GPM6A: variants seen among roughly 807,000 people sequenced by gnomAD.
GPM6A encodes neuronal membrane glycoprotein M6-a.
In GPM6A, 7 loss-of-function variants were observed where a neutral mutation model predicts 32.1. The ratio of observed to expected loss-of-function variants is 0.22; its 90% CI spans 0.12 to 0.41. The LOEUF (loss-of-function observed/expected upper bound fraction) is 0.41. Ranked by LOEUF, GPM6A falls within the 10% of genes least tolerant of loss-of-function variation. The pLI is 1.00. For synonymous variants in GPM6A, 130 were observed against 123.4 expected (o/e 1.05, Z -0.35); for missense variants, 235 against 347.2 (o/e 0.68, Z 2.57).
At chr4:175,653,654 T>A (rs915200102) in intron 3 of GPM6A, among the ~76,000 whole-genome samples, 3 of 152,170 alleles carry the variant, frequency 2.0e-5, no homozygotes, top group Non-Finnish European at 4.4e-5. Flanking sequence ...CCTTTTAGAA[T>A]TATTTTAGTC....
intron 1 of GPM6A, among the ~76,000 whole-genome samples, chr4:175,794,598 CA>C (rs1734145048): frequency 3.3e-5 from 5 of 152,148 alleles, no homozygotes; most frequent in Non-Finnish European, 7.3e-5. Flanking sequence ...GCTGATAATT[CA>C]AGGAGCTGCA....
chr4:175,968,609 C>A (rs139570809), intron 1 of GPM6A, among the ~76,000 whole-genome samples: 3 of 152,044 alleles, frequency 2.0e-5, no homozygotes, highest in Non-Finnish European at 4.4e-5. Context: ...AATTAAAAAA[C>A]GGACAATAAA....
At chr4:175,963,318 C>T (rs6823372) in intron 1 of GPM6A, among the ~76,000 whole-genome samples, 2,637 of 151,834 alleles carry the variant, frequency 0.017, 67 homozygotes, top group African/African-American at 0.059. Context: ...TCGGAGAACA[C>T]CAAGTAGGAT....
intron 1 of GPM6A, among the ~76,000 whole-genome samples, chr4:175,805,257 AG>A (rs1287747438): frequency 6.6e-6 from 1 of 152,200 alleles, no homozygotes; most frequent in Non-Finnish European, 1.5e-5. Context: ...ACAGGTGTAA[AG>A]TTTTTCTCCC....
At chr4:175,637,617 A>AT (rs1560842438) in intron 6 of GPM6A, among the ~76,000 whole-genome samples, 5 of 26,644 alleles carry the variant, frequency 1.9e-4, no homozygotes, top group African/African-American at 4.0e-4. Context: ...TATAATATAT[A>AT]ATATATATTA....
chr4:175,671,644 G>A (rs1743076321), intron 3 of GPM6A, among the ~76,000 whole-genome samples: 2 of 152,112 alleles, frequency 1.3e-5, no homozygotes, highest in Non-Finnish European at 2.9e-5. Flanking sequence ...TTGGCAGAGG[G>A]GAAGGGAGGC....
At chr4:175,777,219 G>A (rs78400085) in intron 1 of GPM6A, among the ~76,000 whole-genome samples, 16 of 152,168 alleles carry the variant, frequency 1.1e-4, no homozygotes, top group African/African-American at 3.9e-4. Flanking sequence ...ACTAGCTATA[G>A]GACCATTGTG....
At chr4:175,798,545 T>C (rs1483223109) in intron 1 of GPM6A, 1 of 152,230 alleles carries the variant, frequency 6.6e-6, no homozygotes, top group Non-Finnish European at 1.5e-5. Context: ...GTGGTAAATT[T>C]ATGTTGCATG....
intron 1 of GPM6A, among the ~76,000 whole-genome samples, chr4:175,958,026 G>C (rs1740044116): frequency 6.6e-6 from 1 of 152,118 alleles, no homozygotes; most frequent in Non-Finnish European, 1.5e-5. Context: ...CCGAGTAGCT[G>C]GGATTCCAGG....
At chr4:175,732,289 C>T (rs1173284609) in intron 1 of GPM6A, among the ~76,000 whole-genome samples, 7 of 152,016 alleles carry the variant, frequency 4.6e-5, no homozygotes, top group East Asian at 1.9e-4. Context: ...TTTGTTCAAG[C>T]GTTATTGCTA....
rs74600365 is a variant in GPM6A at position 175,638,033 on chromosome 4, C to T, written c.684+2096G>A. Among the ~76,000 whole-genome samples, 613 of 148,394 alleles carry T rather than the reference C, an allele frequency of 4.1e-3. 3 individuals are homozygous for T. The highest frequency in any genetic ancestry group is 7.3e-3 in the Non-Finnish European group (496 of 67,508). ...AGCTGCAGGGCTTATTACTGTCCCTCGCTAGGTGAACAGTGATTACTGAAA... is the reference window on the plus strand; with the variant it reads ...AGCTGCAGGGCTTATTACTGTCCCTTGCTAGGTGAACAGTGATTACTGAAA... On this transcript the variant is annotated intron_variant, in intron 6 of 6. Coordinates refer to ENST00000393658, the MANE Select transcript of GPM6A (RefSeq NM_201591.3).
At chr4:175,667,435 ATGT>A (rs1203914667) in intron 3 of GPM6A, among the ~76,000 whole-genome samples, 1 of 152,170 alleles carries the variant, frequency 6.6e-6, no homozygotes, top group Non-Finnish European at 1.5e-5. Context: ...GTCTTAGAAA[ATGT>A]TGTAGTTCTT....
chr4:175,849,184 G>A (rs965286292), intron 1 of GPM6A, among the ~76,000 whole-genome samples: 2 of 152,170 alleles, frequency 1.3e-5, no homozygotes, highest in Non-Finnish European at 2.9e-5. Flanking sequence ...GTAGAGAAGT[G>A]TAATAAAGAC....
chr4:175,713,527 C>A (rs1745668941), intron 1 of GPM6A, among the ~76,000 whole-genome samples: 1 of 152,126 alleles, frequency 6.6e-6, no homozygotes, highest in South Asian at 2.1e-4. Flanking sequence ...TAGAATATAG[C>A]TCAAATAATC....
At chr4:175,884,257 G>A (rs965897212) in intron 1 of GPM6A, among the ~76,000 whole-genome samples, 14 of 152,148 alleles carry the variant, frequency 9.2e-5, no homozygotes, top group African/African-American at 3.1e-4. Context: ...GACAAAGAAC[G>A]CAAGATCGTT....
At chr4:175,978,423 TG>T (rs1354792595) in intron 1 of GPM6A, among the ~76,000 whole-genome samples, 1 of 152,120 alleles carries the variant, frequency 6.6e-6, no homozygotes, top group African/African-American at 2.4e-5. Flanking sequence ...GAGATTTGGG[TG>T]GGGACACAGA....
At chr4:175,889,914 T>C (rs1737586928) in intron 1 of GPM6A, among the ~76,000 whole-genome samples, 1 of 152,140 alleles carries the variant, frequency 6.6e-6, no homozygotes, top group African/African-American at 2.4e-5. Context: ...TCACTGACTA[T>C]ACAATTAATA....
chr4:175,854,872 A>G (rs532683556), intron 1 of GPM6A, among the ~76,000 whole-genome samples: 1 of 152,216 alleles, frequency 6.6e-6, no homozygotes, highest in Non-Finnish European at 1.5e-5. Flanking sequence ...ACCTGAAAGG[A>G]TTAAAAGGAA....
intron 1 of GPM6A, among the ~76,000 whole-genome samples, chr4:175,945,469 A>T (rs1429470070): frequency 2.0e-5 from 3 of 152,076 alleles, no homozygotes; most frequent in African/African-American, 7.2e-5. Flanking sequence ...CACCCATATT[A>T]CTCAGTTGTA....
Sources: allele counts gnomAD v4.1 joint callset (sites outside exome capture counted in the v4.1 genomes callset), GRCh38; gene constraint gnomAD v4.1.1; transcripts MANE v1.5; gene names NCBI Gene and HGNC (gene_info 2026-07-23, HGNC 2026-07-21).